The following TASOR variants were observed in gnomAD, a reference collection of about 807,000 sequenced individuals.
TASOR encodes the protein transcription activation suppressor, also known as protein TASOR.
Under a neutral mutation model 178.6 loss-of-function variants are expected in TASOR, and 53 were observed. The ratio of observed to expected loss-of-function variants is 0.30; its 90% CI spans 0.24 to 0.37. TASOR has a LOEUF of 0.37. TASOR is among the 10% of genes least tolerant of loss of function. The pLI, the probability that TASOR is intolerant of heterozygous loss-of-function variation, is 1.00. For synonymous variants in TASOR, 713 were observed against 696.2 expected, an observed-to-expected ratio of 1.02 and a Z score of -0.38; for missense variants, 1,815 against 1,971.4, an observed-to-expected ratio of 0.92 and a Z score of 1.50.
At chr3:56,665,484 G>C (rs1484918847) in intron 7 of TASOR, among the ~76,000 whole-genome samples, 3 of 151,982 alleles carry the variant, frequency 2.0e-5, no homozygotes, top group Non-Finnish European at 2.9e-5. Context: ...AGCCTCCCAA[G>C]TAGCTAGGAC....
At chr3:56,639,323 A>AC (rs57552670) in intron 16 of TASOR, among the ~76,000 whole-genome samples, 2 of 27,700 alleles carry the variant, frequency 7.2e-5, no homozygotes, top group Non-Finnish European at 9.9e-5. Flanking sequence ...ATGTTTAGCT[A>AC]GAAAAGTGAG....
chr3:56,634,079 T>C (rs931620107), intron 17 of TASOR, 113 bp from the exon 18 acceptor site: 6 of 808,680 alleles, frequency 7.4e-6, no homozygotes, highest in Admixed American at 6.3e-5. Context: ...ACTAATTATA[T>C]ATTAGAAGGT....
intron 11 of TASOR, 58 bp from the exon 12 acceptor site, chr3:56,649,115 C>T: frequency 7.9e-7 from 1 of 1,268,060 alleles, no homozygotes; most frequent in Non-Finnish European, 1.1e-6. Flanking sequence ...CACCATAAGG[C>T]AGACACACAG....
rs2076719122 is a variant in TASOR at position 56,622,943 on chromosome 3, T to G, written c.*94A>C. On this transcript the variant is annotated 3_prime_UTR_variant, in exon 24 of 24. Coordinates refer to ENST00000683822, the MANE Select transcript of TASOR (RefSeq NM_001365635.2). ...TGATTTAAATAAAAGAAAAAACATT[T>G]GAGAAAGAACAAGAACCTTTTGTTT... is the stretch of plus-strand genomic sequence containing the variant. 4 of 803,950 alleles carry G rather than the reference T, an allele frequency of 5.0e-6. No homozygotes were observed. The Admixed American group carries it at 9.5e-5, about 19-fold the overall frequency. 49.8% of individuals were successfully genotyped at this position (803,950 alleles called of 1,614,324 possible). A position where few individuals can be genotyped will look rare whatever the true frequency, so the allele number is the denominator to read the frequency against.
intron 2 of TASOR, among the ~76,000 whole-genome samples, chr3:56,672,397 T>C (rs1035731059): frequency 2.6e-5 from 4 of 152,220 alleles, no homozygotes; most frequent in African/African-American, 7.2e-5. Context: ...TAATTTTCTC[T>C]GGGATTCAGT....
At chr3:56,680,728 G>A (rs1330816283) in intron 1 of TASOR, among the ~76,000 whole-genome samples, 1 of 151,908 alleles carries the variant, frequency 6.6e-6, no homozygotes, top group Non-Finnish European at 1.5e-5. Flanking sequence ...TGAACAGCTG[G>A]TGTTCAGGGT....
At position 56,627,690 on chromosome 3, in the gene TASOR, C is replaced by T; in HGVS notation, c.3922G>A (p.Val1308Ile). The change falls in exon 20 of 24, where the codon GTT (valine) becomes ATT (isoleucine). Residue 1308 changes from valine (V) to isoleucine (I), a missense_variant. Coordinates refer to ENST00000683822, the MANE Select transcript of TASOR (RefSeq NM_001365635.2). ...KKLPCVSFAG[V>I]DSLDDVKNHT... Reference sequence around the variant, plus strand: ...TTTTTAACATCATCCAGGCTATCAACACCAGCAAAACTAACACAGGGGAGC... The same window carrying T: ...TTTTTAACATCATCCAGGCTATCAATACCAGCAAAACTAACACAGGGGAGC... The T allele has an allele frequency of 3.1e-6, 5 of 1,614,090 alleles. No individual in the cohort carries two copies. The highest frequency in any genetic ancestry group is 1.1e-5 in the South Asian group (1 of 91,076).
chr3:56,664,186 G>T (rs570310380), intron 7 of TASOR: 1 of 152,264 alleles, frequency 6.6e-6, no homozygotes, highest in East Asian at 1.9e-4. Context: ...GGGAAAGTGA[G>T]AGAACAGCAA....
rs9823108 is a variant in TASOR, at chr3:56,621,174, C to A, written c.*1863G>T. The A allele has an allele frequency of 0.4, 61,403 of 153,584 alleles. 12,836 individuals carry two copies. Among genetic ancestry groups the A allele is most frequent in the East Asian group, 0.61 (3,169 of 5,220 alleles). The allele number at this position is 153,584 out of a possible 1,614,324, so 9.5% of individuals were successfully genotyped here. A position where few individuals can be genotyped will look rare whatever the true frequency, so the allele number is the denominator to read the frequency against. ...ACTCCATCTCCAAAAAAAAACAAAA[C>A]AACAACAACAAAAAAAAAACACTGT... On this transcript the variant is annotated 3_prime_UTR_variant, in exon 24 of 24. Transcript: ENST00000683822.
chr3:56,631,468 A>C (rs922409978), intron 18 of TASOR, among the ~76,000 whole-genome samples: 1 of 152,186 alleles, frequency 6.6e-6, no homozygotes, highest in African/African-American at 2.4e-5. Flanking sequence ...TTATACCACT[A>C]ATGTAATTGC....
chr3:56,663,362 A>G (rs984682728), intron 8 of TASOR, among the ~76,000 whole-genome samples, 179 bp downstream of exon 8: 1 of 152,192 alleles, frequency 6.6e-6, no homozygotes, highest in African/African-American at 2.4e-5. Flanking sequence ...GTCTATTCAC[A>G]GTAGCAGATT....
intron 23 of TASOR, chr3:56,623,809 T>G: frequency 1.9e-6 from 3 of 1,551,402 alleles, no homozygotes; most frequent in Non-Finnish European, 2.6e-6. Context: ...AAATCCCAAC[T>G]CCCAGCTCCA....
In TASOR at chr3:56,668,460, G is replaced by A. The variant is rs762440734; in HGVS notation, c.834C>T (p.His278=). Residue 278 remains histidine (H), a synonymous_variant, in exon 6 of 24, where the codon CAC becomes CAT. Transcript: ENST00000683822. The part of the protein sequence containing the change: ...ALDPTPKHEC[H]VSKNANRITS... ...TAATTCGATTGGCATTCTTTGACAC[G>A]TGACATTCATGCTTTGGTGTGGGGT... 8.4e-6 allele frequency: 13 copies of A among 1,551,642 alleles called. No individual in the cohort carries two copies. The South Asian group carries it at 1.1e-4, about 13-fold the overall frequency.
chr3:56,667,593 G>A (rs182640515), intron 6 of TASOR, among the ~76,000 whole-genome samples: 1 of 152,300 alleles, frequency 6.6e-6, no homozygotes, highest in Admixed American at 6.5e-5. Context: ...GGGGGCAGAG[G>A]TTGCAGTGAG....
intron 23 of TASOR, 57 bp from the exon 24 acceptor site, chr3:56,623,623 T>A: frequency 6.5e-7 from 1 of 1,540,544 alleles, no homozygotes; most frequent in Non-Finnish European, 8.7e-7. Context: ...TGTTTAAGTT[T>A]TAAAATTATA....
intron 18 of TASOR, among the ~76,000 whole-genome samples, chr3:56,632,733 T>C (rs2076941940): frequency 6.6e-6 from 1 of 152,072 alleles, no homozygotes; most frequent in South Asian, 2.1e-4. Context: ...CTTGAATGCC[T>C]GGGCTCAAGT....
At chr3:56,668,253 C>G in intron 6 of TASOR, 144 bp downstream of exon 6, 1 of 711,578 alleles carries the variant, frequency 1.4e-6, no homozygotes, top group Non-Finnish European at 2.3e-6. Flanking sequence ...ACAGCAGCAA[C>G]AGACACTGGA....
At position 56,620,330 on chromosome 3, in the gene TASOR, A is replaced by AAATT. The variant is rs1479990346; in HGVS notation, c.*2703_*2706dup. The AAATT allele has an allele frequency of 6.5e-6, 1 of 154,266 alleles. No homozygotes were observed. Among genetic ancestry groups the AAATT allele is most frequent in the Non-Finnish European group, 1.4e-5 (1 of 69,348 alleles). 9.6% of individuals were successfully genotyped at this position (154,266 alleles called of 1,614,324 possible). On this transcript the variant is annotated 3_prime_UTR_variant, in exon 24 of 24. Transcript: ENST00000683822. ...CCCAAATAGTAATAAATTCAGTATG[A>AAATT]AATTATACGCATAACCTTACTCACC...
In TASOR at chr3:56,647,057, T is replaced by G; in HGVS notation, c.1680A>C (p.Glu560Asp). The G allele has an allele frequency of 6.2e-7, 1 of 1,605,094 alleles. No individual in the cohort carries two copies. Among genetic ancestry groups the G allele is most frequent in the Non-Finnish European group, 8.5e-7 (1 of 1,177,900 alleles). Residue 560 changes from glutamate (E) to aspartate (D), a missense_variant, in exon 14 of 24, where the codon GAA (glutamate) becomes GAC (aspartate). Glu to Asp is a conservative substitution (Grantham distance 45). Coordinates refer to ENST00000683822, the MANE Select transcript of TASOR (RefSeq NM_001365635.2). ...CTGAACCAAAACCTCGCTTAAAAAA[T>G]TCACTTACATACTTTTCAACAACAG... is the stretch of plus-strand genomic sequence containing the variant. ...FHSVVEKYVS[E>D]FFKRGFGSGK...
Sources: gnomAD v4.1 joint callset for allele counts (sites outside exome capture counted in the v4.1 genomes callset) on GRCh38, gnomAD v4.1.1 for gene constraint, MANE v1.5 for transcripts, NCBI Gene and HGNC (gene_info 2026-07-23, HGNC 2026-07-21) for gene names.